HMMR: variants seen among roughly 807,000 people sequenced by gnomAD.
HMMR encodes the protein intracellular hyaluronic acid-binding protein.
A neutral mutation model predicts 101.0 loss-of-function variants in HMMR; 108 were observed. That is an observed-to-expected ratio of 1.07 (90% CI 0.92 to 1.25). The LOEUF (loss-of-function observed/expected upper bound fraction) is 1.25, where lower values mean the gene tolerates loss of function less well. Among genes scored for constraint, HMMR ranks in the 50% most tolerant of loss-of-function variants. The pLI is 0.00. For synonymous variants in HMMR, 296 were observed against 276.4 expected (o/e 1.07, Z -0.70); for missense variants, 813 against 788.7 (o/e 1.03, Z -0.37).
At chr5:163,484,016 T>C in intron 15 of HMMR, 53 bp from the exon 16 acceptor site, 1 of 1,052,626 alleles carries the variant, frequency 9.5e-7, no homozygotes, top group Non-Finnish European at 1.4e-6. Flanking sequence ...TATATGAAAC[T>C]AGTAAGATCA....
intron 1 of HMMR, among the ~76,000 whole-genome samples, chr5:163,461,503 T>G (rs1033196962): frequency 6.6e-6 from 1 of 152,120 alleles, no homozygotes; most frequent in African/African-American, 2.4e-5. Flanking sequence ...TCATTTAAGA[T>G]GCTGTATGCG....
chr5:163,474,569 C>T (rs1759008429), intron 10 of HMMR: 2 of 456,278 alleles, frequency 4.4e-6, no homozygotes, highest in Non-Finnish European at 8.8e-6. Context: ...ATTTATAGAA[C>T]ATTTTACATA....
chr5:163,482,163 C>T (rs572796479), intron 12 of HMMR, among the ~76,000 whole-genome samples: 23 of 152,230 alleles, frequency 1.5e-4, no homozygotes, highest in Admixed American at 7.2e-4. Context: ...GTGATCCACC[C>T]GTCTCGGCCT....
chr5:163,478,095 G>A (rs1425033189), intron 11 of HMMR, among the ~76,000 whole-genome samples: 1 of 151,868 alleles, frequency 6.6e-6, no homozygotes, highest in Non-Finnish European at 1.5e-5. Flanking sequence ...CACCACTTTG[G>A]AAATATATTA....
intron 12 of HMMR, 54 bp from the exon 13 acceptor site, chr5:163,482,588 T>C: frequency 1.6e-6 from 2 of 1,287,264 alleles, no homozygotes; most frequent in Non-Finnish European, 2.2e-6. Context: ...TCAGTTATGA[T>C]TGTCATACGC....
In HMMR at chr5:163,464,735, A is replaced by C. The variant is rs1561635487; in HGVS notation, c.158A>C (p.Asn53Thr). 2 of 1,610,686 alleles carry C rather than the reference A, an allele frequency of 1.2e-6. No individual in the cohort carries two copies. The highest frequency in any genetic ancestry group is 1.7e-6 in the Non-Finnish European group (2 of 1,177,186). The stretch of plus-strand genomic sequence containing the variant: ...CATTTTTCCGCAGAATCTAAACAAA[A>C]TCTTAATGTTGACAAAGATACTACC... ...RFKQQKESKQ[N>T]LNVDKDTTLP... The change falls in exon 3 of 18, where the codon AAT becomes ACT. Residue 53 changes from asparagine (N) to threonine (T), a missense_variant. Asn to Thr is a moderately conservative substitution (Grantham distance 65, BLOSUM62 0). Transcript: ENST00000393915.
intron 7 of HMMR, among the ~76,000 whole-genome samples, chr5:163,471,746 T>C (rs563398491): frequency 1.3e-5 from 2 of 152,298 alleles, no homozygotes; most frequent in African/African-American, 4.8e-5. Flanking sequence ...TAGATTGAAA[T>C]TGAGAAACAC....
chr5:163,473,597 T>C, intron 9 of HMMR, 40 bp downstream of exon 9: 1 of 1,284,982 alleles, frequency 7.8e-7, no homozygotes, highest in East Asian at 2.4e-5. Flanking sequence ...TAGATAAGTG[T>C]TACATACAAC....
chr5:163,479,227 C>T (rs773648950), intron 12 of HMMR, among the ~76,000 whole-genome samples: 5 of 152,172 alleles, frequency 3.3e-5, no homozygotes, highest in African/African-American at 4.8e-5. Context: ...TTATACTCAT[C>T]CTATCTTCCC....
chr5:163,470,571 C>T (rs1758852477), intron 5 of HMMR, among the ~76,000 whole-genome samples: 1 of 152,102 alleles, frequency 6.6e-6, no homozygotes, highest in South Asian at 2.1e-4. Flanking sequence ...ATGAGAATAG[C>T]TTGAACTCGG....
chr5:163,486,336 A>G (rs900918339), intron 16 of HMMR, among the ~76,000 whole-genome samples: 2 of 152,204 alleles, frequency 1.3e-5, no homozygotes, highest in African/African-American at 2.4e-5. Flanking sequence ...TTTTCAGAGT[A>G]TAAGTTTTCC....
intron 4 of HMMR, 82 bp from the exon 5 acceptor site, chr5:163,469,559 C>G (rs1316942531): frequency 8.7e-7 from 1 of 1,147,902 alleles, no homozygotes; most frequent in Non-Finnish European, 1.3e-6. Context: ...TTTCCAGAAA[C>G]TTTAGGGGTG....
intron 1 of HMMR, 29 bp downstream of exon 1, chr5:163,460,767 G>C: frequency 6.3e-7 from 1 of 1,594,848 alleles, no homozygotes. Flanking sequence ...GCTGGGGGAC[G>C]GGAGACGCCC....
At chr5:163,468,450 T>C (rs1286316369) in intron 4 of HMMR, among the ~76,000 whole-genome samples, 1 of 152,224 alleles carries the variant, frequency 6.6e-6, no homozygotes, top group African/African-American at 2.4e-5. Context: ...ACTGTGAACT[T>C]TGCTTCTCTG....
chr5:163,488,851 G>A (rs772388043), intron 16 of HMMR, among the ~76,000 whole-genome samples: 47 of 152,142 alleles, frequency 3.1e-4, no homozygotes, highest in African/African-American at 9.4e-4. Flanking sequence ...AGAAGGGCTC[G>A]TCCCAGCTGT....
chr5:163,484,090 G>T lies in HMMR; in HGVS notation c.1807G>T (p.Val603Leu). ...TCAGCTACAACTAGATGCTTTTGAAGTAGAAAAACAGGCATTGTTGAATGA... is the reference window on the plus strand; with the variant it reads ...TCAGCTACAACTAGATGCTTTTGAATTAGAAAAACAGGCATTGTTGAATGA... Reference protein sequence around the residue: ...PFQLQLDAFEVEKQALLNEHG... With the variant: ...PFQLQLDAFELEKQALLNEHG... The change falls in exon 16 of 18, where the codon GTA becomes TTA. Residue 603 changes from valine to leucine, a missense_variant. Val to Leu is a conservative substitution (Grantham distance 32, BLOSUM62 1). Coordinates refer to ENST00000393915, the MANE Select transcript of HMMR (RefSeq NM_001142556.2). 6.3e-7 allele frequency: 1 copy of T among 1,594,088 alleles called. No individual in the cohort carries two copies. The highest frequency in any genetic ancestry group is 8.5e-7 in the Non-Finnish European group (1 of 1,171,722).
intron 3 of HMMR, among the ~76,000 whole-genome samples, chr5:163,465,912 G>A (rs192733): frequency 0.37 from 54,798 of 149,660 alleles, 10,610 homozygotes; most frequent in East Asian, 0.54. Context: ...AGTCAGCCAA[G>A]GTGGTGCCAC....
chr5:163,462,241 T>G (rs1337429025), intron 1 of HMMR, among the ~76,000 whole-genome samples: 1 of 152,086 alleles, frequency 6.6e-6, no homozygotes, highest in Non-Finnish European at 1.5e-5. Flanking sequence ...ATATAGTATT[T>G]CAGGCTCACA....
At chr5:163,483,406 A>C in intron 15 of HMMR, 39 bp downstream of exon 15, 1 of 1,107,778 alleles carries the variant, frequency 9.0e-7, no homozygotes, top group Non-Finnish European at 1.4e-6. Context: ...TGTTTATTTT[A>C]GGGACTCACT....
Sources: allele counts gnomAD v4.1 joint callset (sites outside exome capture counted in the v4.1 genomes callset), GRCh38; gene constraint gnomAD v4.1.1; transcripts MANE v1.5; gene names NCBI Gene and HGNC (gene_info 2026-07-23, HGNC 2026-07-21).